SETD1B: variants seen among roughly 807,000 people sequenced by gnomAD.
SETD1B encodes the protein SET domain containing 1B, histone lysine methyltransferase, also known as histone-lysine N-methyltransferase SETD1B.
A neutral mutation model predicts 148.0 loss-of-function variants in SETD1B; 7 were observed. The observed-to-expected ratio is 0.05, with a 90% confidence interval of 0.03 to 0.09. The LOEUF (loss-of-function observed/expected upper bound fraction) is 0.09, where lower values mean the gene tolerates loss of function less well. Ranked by LOEUF, SETD1B falls within the 10% of genes least tolerant of loss-of-function variation. SETD1B has a pLI of 1.00. For synonymous variants in SETD1B, 1,361 were observed against 1,186.5 expected, an observed-to-expected ratio of 1.15 and a Z score of -3.02; for missense variants, 2,155 against 2,729.9, an observed-to-expected ratio of 0.79 and a Z score of 4.69.
At chr12:121,824,417 C>G (rs1258272424) in intron 12 of SETD1B, among the ~76,000 whole-genome samples, 1 of 152,124 alleles carries the variant, frequency 6.6e-6, no homozygotes, top group Admixed American at 6.5e-5. Flanking sequence ...GAGGCTGAGG[C>G]GGACGGATCA....
At chr12:121,800,728 C>T (rs1317180556), upstream of SETD1B, 2 of 147,898 alleles carry the variant, frequency 1.4e-5, no homozygotes, top group Non-Finnish European at 3.0e-5. Context: ...CAGGCCGCCG[C>T]GCCCGGCTGA....
In SETD1B at chr12:121,810,744, C is replaced by G. The variant is rs1875994100; in HGVS notation, c.1799C>G (p.Pro600Arg). 6.4e-7 allele frequency: 1 copy of G among 1,550,788 alleles called. No homozygotes were observed. The highest frequency in any genetic ancestry group is 1.4e-5 in the African/African-American group (1 of 73,054). ...CCTCGGCCTCCACCTGAGCCAGGCC[C>G]CCCGGACCCTGCTGGGCTTCTGAGC... ...LGPRPPPEPG[P>R]PDPAGLLSQT... Residue 600 changes from proline to arginine, a missense_variant, in exon 6 of 17, where the codon CCC becomes CGC. By Grantham distance (103) the Pro-to-Arg change is moderately radical (BLOSUM62 -2). This residue lies in a region of SETD1B where 295 missense variants were observed against 303.8 expected (regional missense o/e 0.97). Transcript: ENST00000604567. The surrounding 1 kb of genome is among the most constrained non-coding windows in gnomAD (Gnocchi z 7.6).
At chr12:121,792,794 A>G in the SETD1B span, among the ~76,000 whole-genome samples, 1 of 152,254 alleles carries the variant, frequency 6.6e-6, no homozygotes, top group African/African-American at 2.4e-5. Flanking sequence ...TCAAATCTGC[A>G]GCTCACAGAG....
In SETD1B at chr12:121,805,504, C is replaced by G. The variant is rs893386456; in HGVS notation, c.273+288C>G. On this transcript the variant is annotated intron_variant, in intron 3 of 16. Coordinates refer to ENST00000604567, the MANE Select transcript of SETD1B (RefSeq NM_001353345.2). This position sits in a 1 kb window ranked among gnomAD's most constrained non-coding sequence, Gnocchi z 4.2. ...CTCTCGCTAGCCCACTACAGGACAA[C>G]TTCTTAAGCCTGAGGGGTCGCCCCT... is the stretch of plus-strand genomic sequence containing the variant. 3.5e-4 allele frequency among the ~76,000 whole-genome samples: 54 copies of G among 152,150 alleles called. No individual in the cohort carries two copies. The highest frequency in any genetic ancestry group is 4.3e-4 in the Non-Finnish European group (29 of 68,020).
At chr12:121,801,213 C>T (rs1370328141), upstream of SETD1B, 1 of 152,256 alleles carries the variant, frequency 6.6e-6, no homozygotes, top group East Asian at 1.9e-4. Flanking sequence ...GAAAGTGGGC[C>T]CAAGGCTGGG....
Position 121,817,579 on chromosome 12 carries a change from T to C in SETD1B, c.3187T>C (p.Ser1063Pro). The C allele has an allele frequency of 2.6e-6, 4 of 1,551,384 alleles. No individual in the cohort carries two copies. Among genetic ancestry groups the C allele is most frequent in the Non-Finnish European group, 3.5e-6 (4 of 1,146,804 alleles). The part of the protein sequence containing the change: ...SGSSTTSPSS[S>P]ASDKEEEQES... ...GTCCTCAACCACCTCACCCTCGTCCTCGGCCTCCGACAAGGAGGAGGAACA... is the reference window on the plus strand; with the variant it reads ...GTCCTCAACCACCTCACCCTCGTCCCCGGCCTCCGACAAGGAGGAGGAACA... The change falls in exon 9 of 17, where the codon TCG (serine) becomes CCG (proline). Residue 1063 changes from serine (S) to proline (P), a missense_variant. Transcript: ENST00000604567. The surrounding 1 kb of genome is among the most constrained non-coding windows in gnomAD (Gnocchi z 8.1).
chr12:121,799,562 A>C (rs1349058107), upstream of SETD1B: 1 of 152,282 alleles, frequency 6.6e-6, no homozygotes, highest in East Asian at 1.9e-4. Context: ...CCCCCCGCCG[A>C]AGAACACACA....
chr12:121,824,450 C>T (rs1159064692), intron 12 of SETD1B, among the ~76,000 whole-genome samples: 1 of 152,140 alleles, frequency 6.6e-6, no homozygotes, highest in Non-Finnish European at 1.5e-5. Context: ...AGTTTGAGAC[C>T]AGCCTGGCCA....
the SETD1B span, chr12:121,793,715 A>ATTG: frequency 8.0e-7 from 1 of 1,250,084 alleles, no homozygotes; most frequent in Non-Finnish European, 1.0e-6. Context: ...GGCCGGAACC[A>ATTG]GCCCCGCCCA....
At position 121,804,578 on chromosome 12, in the gene SETD1B, G is replaced by C; in HGVS notation, c.-14-146G>C. On this transcript the variant is annotated intron_variant, in intron 1 of 16. Transcript: ENST00000604567. This position sits in a 1 kb window ranked among gnomAD's most constrained non-coding sequence, Gnocchi z 4.6. ...ATTCTCTCGCTCCATTCTTGTTTTGGGGGGAGCCAGCGAGACAGCTCCTTT... is the reference window on the plus strand; with the variant it reads ...ATTCTCTCGCTCCATTCTTGTTTTGCGGGGAGCCAGCGAGACAGCTCCTTT... The C allele has an allele frequency of 3.1e-6, 2 of 645,224 alleles. No homozygotes were observed. The highest frequency in any genetic ancestry group is 3.9e-5 in the South Asian group (2 of 50,988). The allele number at this position is 645,224 out of a possible 1,614,324, so 40.0% of individuals were successfully genotyped here. A position where few individuals can be genotyped will look rare whatever the true frequency, so the allele number is the denominator to read the frequency against.
Position 121,814,428 on chromosome 12 carries a change from C to T in SETD1B, c.2213C>T (p.Pro738Leu), listed in dbSNP as rs1049744375. Residue 738 changes from proline to leucine, a missense_variant, in exon 7 of 17, where the codon CCC becomes CTC. Pro to Leu is a moderately conservative substitution (Grantham distance 98). Coordinates refer to ENST00000604567, the MANE Select transcript of SETD1B (RefSeq NM_001353345.2). ...TTGCCAGCGCCGCCTGGAGTCCCGCCCCCACCCATCCTGCCACCACTGCCC... is the reference window on the plus strand; with the variant it reads ...TTGCCAGCGCCGCCTGGAGTCCCGCTCCCACCCATCCTGCCACCACTGCCC... Reference protein sequence around the residue: ...PPLPAPPGVPPPPILPPLPPF... With the variant: ...PPLPAPPGVPLPPILPPLPPF... The T allele has an allele frequency of 3.8e-5, 54 of 1,435,958 alleles. No homozygotes were observed. Among genetic ancestry groups the T allele is most frequent in the Non-Finnish European group, 4.8e-5 (52 of 1,091,276 alleles). The allele number at this position is 1,435,958 out of a possible 1,614,324, so 89.0% of individuals were successfully genotyped here.
chr12:121,819,850 A>G lies in SETD1B; in HGVS notation c.3865A>G (p.Lys1289Glu), dbSNP rs1222048494. ...GTTGCTGTCTCCAGAGCCCCCTGCC[A>G]AGGAGGTGGAGGCTCGACCCCCATT... ...AMLLSPEPPA[K>E]EVEARPPLSP... The change falls in exon 11 of 17, where the codon AAG (lysine) becomes GAG (glutamate). Residue 1289 changes from lysine to glutamate, a missense_variant. Coordinates refer to ENST00000604567, the MANE Select transcript of SETD1B (RefSeq NM_001353345.2). The G allele has an allele frequency of 6.4e-7, 1 of 1,551,354 alleles. No homozygotes were observed. The highest frequency in any genetic ancestry group is 8.7e-7 in the Non-Finnish European group (1 of 1,146,894).
intron 5 of SETD1B, among the ~76,000 whole-genome samples, chr12:121,809,259 C>G (rs1465704075): frequency 1.3e-5 from 2 of 152,210 alleles, no homozygotes; most frequent in Non-Finnish European, 2.9e-5. Context: ...GATTGTAGTT[C>G]TTGGTCATAA....
In SETD1B at chr12:121,817,556, C is replaced by G. The variant is rs2137567257; in HGVS notation, c.3164C>G (p.Ser1055Cys). 6.4e-7 allele frequency: 1 copy of G among 1,551,352 alleles called. No individual in the cohort carries two copies. The highest frequency in any genetic ancestry group is 1.2e-5 in the South Asian group (1 of 84,050). ...TCATCCGCGTCATCATCCTCGGGGT[C>G]CTCAACCACCTCACCCTCGTCCTCG... is the stretch of plus-strand genomic sequence containing the variant. ...SSSSASSSSG[S>C]STTSPSSSAS... is the part of the protein sequence containing the mutation. The change falls in exon 9 of 17, where the codon TCC (serine) becomes TGC (cysteine). Residue 1055 changes from serine (S) to cysteine (C), a missense_variant. Ser to Cys is a moderately radical substitution (Grantham distance 112). Around this residue, in one of 11 missense-constraint regions of SETD1B, gnomAD observed 862 missense variants for 873.8 expected, o/e 0.99. Transcript: ENST00000604567. The surrounding 1 kb of genome is among the most constrained non-coding windows in gnomAD (Gnocchi z 8.1).
intron 6 of SETD1B, among the ~76,000 whole-genome samples, chr12:121,813,244 A>G (rs903712594): frequency 6.6e-6 from 1 of 152,260 alleles, no homozygotes; most frequent in African/African-American, 2.4e-5. Flanking sequence ...AGCCGTCTGC[A>G]GCGCTTAGCC....
Position 121,830,051 on chromosome 12 carries a change from C to A in SETD1B, c.5728-15C>A, listed in dbSNP as rs529035287. On this transcript the variant is annotated splice_polypyrimidine_tract_variant and intron_variant, in intron 16 of 16. Coordinates refer to ENST00000604567, the MANE Select transcript of SETD1B (RefSeq NM_001353345.2). This position sits in a 1 kb window ranked among gnomAD's most constrained non-coding sequence, Gnocchi z 5.7. ...GGGGACCAGGGGCTCATTCTCCCCC[C>A]CACCTTGCCTGCAGCCCAACTGCTA... The A allele has an allele frequency of 4.5e-6, 7 of 1,545,628 alleles. No individual in the cohort carries two copies. In the South Asian group the frequency reaches 4.8e-5, roughly 11 times the overall value.
At chr12:121,795,672 G>A in the SETD1B span, 1 of 152,804 alleles carries the variant, frequency 6.5e-6, no homozygotes, top group East Asian at 1.9e-4. Context: ...GACTGGCTGG[G>A]GAGGCAGGGC....
chr12:121,814,763 A>G lies in SETD1B; in HGVS notation c.2548A>G (p.Met850Val), dbSNP rs973256453. Residue 850 changes from methionine (M) to valine (V), a missense_variant, in exon 7 of 17, where the codon ATG (methionine) becomes GTG (valine). Physicochemically the swap from Met to Val is conservative, Grantham distance 21. This residue lies in a region of SETD1B where 289 missense variants were observed against 423.7 expected (regional missense o/e 0.68). Coordinates refer to ENST00000604567, the MANE Select transcript of SETD1B (RefSeq NM_001353345.2). ...CCCGTCAGTGCCTCCACCAGGCTAC[A>G]TGCCACGCCAGGAGGACCCACACAA... ...FDPSVPPPGY[M>V]PRQEDPHKAT... 1.3e-6 allele frequency: 2 copies of G among 1,551,392 alleles called. No homozygotes were observed. Among genetic ancestry groups the G allele is most frequent in the Non-Finnish European group, 1.7e-6 (2 of 1,146,990 alleles).
At position 121,825,627 on chromosome 12, in the gene SETD1B, A is replaced by G. The variant is rs146707538; in HGVS notation, c.5337+261A>G. On this transcript the variant is annotated intron_variant, in intron 13 of 16. Transcript: ENST00000604567. ...GAGCTGTATTTCCGCAAGTTCATTCATTTTTTGTTTTTTGCTTGGGTTTTT... is the reference window on the plus strand; with the variant it reads ...GAGCTGTATTTCCGCAAGTTCATTCGTTTTTTGTTTTTTGCTTGGGTTTTT... Among the ~76,000 whole-genome samples the G allele has an allele frequency of 3.4e-4, 51 of 151,552 alleles. 1 individual carries two copies. The East Asian group carries it at 9.1e-3, about 27-fold the overall frequency.
Sources: gnomAD v4.1 joint callset for allele counts (sites outside exome capture counted in the v4.1 genomes callset) on GRCh38, gnomAD v4.1.1 for gene constraint, gnomAD v4.1.1 regional missense constraint, Gnocchi (gnomAD v3.1) non-coding constraint, MANE v1.5 for transcripts, NCBI Gene and HGNC (gene_info 2026-07-23, HGNC 2026-07-21) for gene names.